ULK4: variants seen among roughly 807,000 people sequenced by gnomAD.
ULK4 encodes unc-51 like kinase 4, also known as inactive serine/threonine-protein kinase ULK4.
Under a neutral mutation model 160.6 loss-of-function variants are expected in ULK4, and 133 were observed. That is an observed-to-expected ratio of 0.83 (90% confidence interval 0.72 to 0.96). ULK4 has a LOEUF of 0.96. Among genes scored for constraint, ULK4 ranks in the 40% least tolerant of loss-of-function variants. The probability of loss-of-function intolerance (pLI) is 0.00; values close to 1 mark genes in which losing one functional copy is unlikely to be tolerated. For synonymous variants in ULK4, 534 were observed against 539.8 expected (o/e 0.99, Z 0.15); for missense variants, 1,580 against 1,499.5 (o/e 1.05, Z -0.89).
intron 17 of ULK4, among the ~76,000 whole-genome samples, chr3:41,873,884 T>G (rs1457915732): frequency 1.3e-5 from 2 of 151,250 alleles, no homozygotes; most frequent in African/African-American, 4.8e-5. Flanking sequence ...TTTTTTTGTT[T>G]TTTTTTTTTG....
At chr3:41,300,970 A>AAAAGACTG (rs2079784580) in intron 35 of ULK4, among the ~76,000 whole-genome samples, 1 of 150,140 alleles carries the variant, frequency 6.7e-6, no homozygotes, top group African/African-American at 2.5e-5. Flanking sequence ...GGAGGGTCAT[A>AAAAGACTG]AAAGACTGTT....
rs2040418056 is a variant in ULK4, at chr3:41,800,239, T to C, written c.1903A>G (p.Thr635Ala). Reference sequence around the variant, plus strand: ...AAGCCCTGGGACTGAGCAGAAAAGGTGGTACAGACATTTTCAATAATTTTT... The same window carrying C: ...AAGCCCTGGGACTGAGCAGAAAAGGCGGTACAGACATTTTCAATAATTTTT... Reference protein sequence around the residue: ...AAKIIENVCTTFSAQSQGFIT... With the variant: ...AAKIIENVCTAFSAQSQGFIT... Residue 635 changes from threonine to alanine, a missense_variant, in exon 20 of 37, where the codon ACC (threonine) becomes GCC (alanine). Thr to Ala is a moderately conservative substitution (Grantham distance 58). Coordinates refer to ENST00000301831, the MANE Select transcript of ULK4 (RefSeq NM_017886.4). 3 of 1,613,338 alleles carry C rather than the reference T, an allele frequency of 1.9e-6. No individual in the cohort carries two copies. The highest frequency in any genetic ancestry group is 2.5e-6 in the Non-Finnish European group (3 of 1,179,802).
chr3:41,580,233 C>T (rs2030181397), intron 31 of ULK4, among the ~76,000 whole-genome samples: 1 of 152,108 alleles, frequency 6.6e-6, no homozygotes, highest in African/African-American at 2.4e-5. Flanking sequence ...AGAGGGGGTG[C>T]TGGTCTTTAG....
chr3:41,803,479 CTTT>C (rs1011076110), intron 19 of ULK4, among the ~76,000 whole-genome samples: 5 of 152,058 alleles, frequency 3.3e-5, no homozygotes, highest in Admixed American at 2.6e-4. Context: ...GCAAAGCTTT[CTTT>C]TTTATTATTA....
intron 20 of ULK4, among the ~76,000 whole-genome samples, chr3:41,793,437 G>T (rs758676752): frequency 1.1e-4 from 17 of 152,036 alleles, no homozygotes; most frequent in Admixed American, 6.6e-4. Flanking sequence ...TTTCTTTTTG[G>T]TATTTCAAAT....
intron 32 of ULK4, among the ~76,000 whole-genome samples, chr3:41,521,820 C>T (rs991684011): frequency 6.6e-6 from 1 of 152,150 alleles, no homozygotes; most frequent in African/African-American, 2.4e-5. Context: ...GAGATTAAGA[C>T]CCAAAAGATC....
At chr3:41,705,464 T>C (rs375339601) in intron 25 of ULK4, among the ~76,000 whole-genome samples, 159 bp from the exon 26 acceptor site, 74 of 152,190 alleles carry the variant, frequency 4.9e-4, no homozygotes, top group African/African-American at 1.7e-3. Context: ...GTTACAAAAG[T>C]ATATTAAATA....
intron 19 of ULK4, 101 bp downstream of exon 19, chr3:41,819,322 G>A: frequency 2.8e-6 from 3 of 1,076,806 alleles, no homozygotes; most frequent in African/African-American, 3.2e-5. Flanking sequence ...GCAATACTTG[G>A]TTGACAAGCT....
At chr3:41,442,872 T>C (rs928039437) in intron 34 of ULK4, among the ~76,000 whole-genome samples, 1 of 152,228 alleles carries the variant, frequency 6.6e-6, no homozygotes, top group Non-Finnish European at 1.5e-5. Context: ...AATTAAAGCA[T>C]CTTATTTCTT....
intron 35 of ULK4, among the ~76,000 whole-genome samples, chr3:41,291,968 C>A (rs1232834609): frequency 1.3e-5 from 2 of 151,844 alleles, no homozygotes; most frequent in African/African-American, 4.8e-5. Flanking sequence ...GTAGCTGGGA[C>A]TACAGGCCCC....
At chr3:41,329,312 G>A (rs2080398617) in intron 35 of ULK4, among the ~76,000 whole-genome samples, 1 of 152,136 alleles carries the variant, frequency 6.6e-6, no homozygotes, top group South Asian at 2.1e-4. Flanking sequence ...GGCTCAATCT[G>A]GGGAGCAGTG....
intron 34 of ULK4, among the ~76,000 whole-genome samples, chr3:41,405,750 T>G (rs962515753): frequency 6.6e-6 from 1 of 152,238 alleles, no homozygotes; most frequent in Non-Finnish European, 1.5e-5. Flanking sequence ...CATATGCTTC[T>G]TGGCCGCTTG....
intron 35 of ULK4, among the ~76,000 whole-genome samples, chr3:41,301,508 T>A (rs1198094977): frequency 6.6e-6 from 1 of 152,216 alleles, no homozygotes; most frequent in African/African-American, 2.4e-5. Context: ...CTAATTTATT[T>A]AATTTTCAAT....
At chr3:41,426,598 T>TC (rs2125842048) in intron 34 of ULK4, among the ~76,000 whole-genome samples, 1 of 152,200 alleles carries the variant, frequency 6.6e-6, no homozygotes, top group Non-Finnish European at 1.5e-5. Context: ...AAATTAGAAC[T>TC]CAAGATTCAG....
At chr3:41,406,216 A>G (rs962581370) in intron 34 of ULK4, among the ~76,000 whole-genome samples, 2 of 152,170 alleles carry the variant, frequency 1.3e-5, no homozygotes, top group Non-Finnish European at 2.9e-5. Context: ...ACCATTTACT[A>G]AATAGGCAGT....
chr3:41,413,533 A>G (rs2082455108), intron 34 of ULK4, among the ~76,000 whole-genome samples: 1 of 152,202 alleles, frequency 6.6e-6, no homozygotes, highest in South Asian at 2.1e-4. Context: ...AGTAGATATT[A>G]CCACCATTAC....
intron 35 of ULK4, among the ~76,000 whole-genome samples, chr3:41,272,176 CA>C (rs1033732494): frequency 9.9e-5 from 15 of 152,254 alleles, no homozygotes; most frequent in African/African-American, 3.4e-4. Context: ...CTCAGCCTCC[CA>C]AAGTGCTGGG....
chr3:41,463,297 C>T (rs531978324), intron 32 of ULK4, 44 bp from the exon 33 acceptor site: 3 of 1,583,590 alleles, frequency 1.9e-6, no homozygotes, highest in African/African-American at 2.7e-5. Context: ...TCATTAAGTA[C>T]ACAAATGTGT....
intron 27 of ULK4, among the ~76,000 whole-genome samples, chr3:41,694,708 G>A (rs1228218337): frequency 6.6e-6 from 1 of 152,106 alleles, no homozygotes; most frequent in Non-Finnish European, 1.5e-5. Flanking sequence ...ATCTCTAGGT[G>A]ACTTATAATA....
Sources: allele counts gnomAD v4.1 joint callset (sites outside exome capture counted in the v4.1 genomes callset), GRCh38; gene constraint gnomAD v4.1.1; transcripts MANE v1.5; gene names NCBI Gene and HGNC (gene_info 2026-07-23, HGNC 2026-07-21).